The following REV3L variants were observed in gnomAD, a reference collection of about 807,000 sequenced individuals.
The protein encoded by REV3L is DNA polymerase zeta catalytic subunit.
REV3L carries 69 observed loss-of-function variants against 299.4 expected under a neutral mutation model. That is an observed-to-expected ratio of 0.23 (90% CI 0.19 to 0.28). REV3L has a LOEUF of 0.28. Among genes scored for constraint, REV3L ranks in the 10% least tolerant of loss-of-function variants. REV3L has a pLI of 1.00. For synonymous variants in REV3L, 1,238 were observed against 1,271.4 expected (o/e 0.97, Z 0.56); for missense variants, 3,128 against 3,693.8 (o/e 0.85, Z 3.97).
intron 25 of REV3L, among the ~76,000 whole-genome samples, chr6:111,325,028 A>AT (rs1230852262): frequency 1.3e-5 from 2 of 152,162 alleles, no homozygotes; most frequent in South Asian, 2.1e-4. Flanking sequence ...CGCCCGGCTA[A>AT]TTTTTTGTAT....
At chr6:111,361,502 G>A (rs1364935450) in intron 16 of REV3L, 1 of 151,326 alleles carries the variant, frequency 6.6e-6, no homozygotes, top group Non-Finnish European at 1.5e-5. Context: ...AGGTTAAAAG[G>A]GTCTTAGAGG....
chr6:111,415,446 T>A (rs1358692680), intron 2 of REV3L, among the ~76,000 whole-genome samples: 1 of 152,188 alleles, frequency 6.6e-6, no homozygotes, highest in Non-Finnish European at 1.5e-5. Flanking sequence ...AGACTGGAAT[T>A]GAGTGTATAG....
At chr6:111,468,846 C>G (rs561469154) in intron 1 of REV3L, among the ~76,000 whole-genome samples, 15 of 152,214 alleles carry the variant, frequency 9.9e-5, no homozygotes, top group South Asian at 2.1e-4. Flanking sequence ...ATGAAGCAGA[C>G]AGGTAGGCCA....
chr6:111,303,138 G>T, intron 31 of REV3L, among the ~76,000 whole-genome samples: 1 of 140,996 alleles, frequency 7.1e-6, no homozygotes, highest in East Asian at 2.1e-4. Context: ...TCTACTTTTT[G>T]AAATGTACTG....
intron 1 of REV3L, among the ~76,000 whole-genome samples, chr6:111,446,039 A>G (rs1788791625): frequency 6.6e-6 from 1 of 152,196 alleles, no homozygotes; most frequent in Admixed American, 6.5e-5. Flanking sequence ...CAAAAAGTTC[A>G]TTTTCAGCTG....
intron 2 of REV3L, among the ~76,000 whole-genome samples, chr6:111,415,595 T>C (rs1784674734): frequency 6.6e-6 from 1 of 152,168 alleles, no homozygotes; most frequent in South Asian, 2.1e-4. Context: ...TGAGAATCAT[T>C]GGTCCTCACA....
At chr6:111,439,508 T>C (rs1391258324) in intron 1 of REV3L, among the ~76,000 whole-genome samples, 1 of 152,232 alleles carries the variant, frequency 6.6e-6, no homozygotes, top group African/African-American at 2.4e-5. Flanking sequence ...TAGAGCATTC[T>C]ACAGTCATTC....
At chr6:111,448,787 T>A (rs1158684572) in intron 1 of REV3L, among the ~76,000 whole-genome samples, 2 of 34,448 alleles carry the variant, frequency 5.8e-5, no homozygotes, top group African/African-American at 8.1e-5. Context: ...CACTTGGCTA[T>A]TTTTTTTTTT....
At chr6:111,390,829 A>G (rs766886519) in intron 5 of REV3L, among the ~76,000 whole-genome samples, 64 of 152,266 alleles carry the variant, frequency 4.2e-4, no homozygotes, top group Admixed American at 1.3e-4. Context: ...TGGATCTTTG[A>G]CTCAAAAGCA....
chr6:111,465,460 G>A (rs1791338956), intron 1 of REV3L, among the ~76,000 whole-genome samples: 4 of 151,714 alleles, frequency 2.6e-5, no homozygotes, highest in South Asian at 2.1e-4. Context: ...TTGGCTGAGC[G>A]CAGTGGCTCA....
In REV3L at chr6:111,333,291, C is replaced by A. The variant is rs1360936908; in HGVS notation, c.7757G>T (p.Arg2586Ile). 9 of 1,614,114 alleles carry A rather than the reference C, an allele frequency of 5.6e-6. No individual in the cohort carries two copies. Among genetic ancestry groups the A allele is most frequent in the Non-Finnish European group, 7.6e-6 (9 of 1,180,016 alleles). Residue 2586 changes from arginine to isoleucine, a missense_variant, in exon 23 of 32, where the codon AGA becomes ATA. Coordinates refer to ENST00000368802, the MANE Select transcript of REV3L (RefSeq NM_001372078.1). ...ACACTGTGGGGCTCTCATCTGGGAT[C>A]TTTGCTGAACACTAGGTGTCACAGG... Reference protein sequence around the residue: ...YIPVTPSVQQRSQMRAPQCVP... With the variant: ...YIPVTPSVQQISQMRAPQCVP...
chr6:111,379,870 C>A (rs1406806578), intron 11 of REV3L, 112 bp downstream of exon 11: 5 of 729,242 alleles, frequency 6.9e-6, no homozygotes, highest in Non-Finnish European at 1.2e-5. Context: ...TTTAAAACAT[C>A]AATTTAGTTC....
chr6:111,393,119 G>A, intron 4 of REV3L, 147 bp from the exon 5 acceptor site: 1 of 547,174 alleles, frequency 1.8e-6, no homozygotes, highest in Non-Finnish European at 3.3e-6. Context: ...CTCACTGCAA[G>A]CTCCACCTCC....
intron 4 of REV3L, among the ~76,000 whole-genome samples, chr6:111,396,220 T>A (rs1247051289): frequency 6.6e-6 from 1 of 151,968 alleles, no homozygotes; most frequent in Non-Finnish European, 1.5e-5. Flanking sequence ...AGAGACAGGG[T>A]TTCACCATGT....
intron 22 of REV3L, among the ~76,000 whole-genome samples, chr6:111,333,841 T>C (rs1011122466): frequency 6.6e-6 from 1 of 152,248 alleles, no homozygotes; most frequent in African/African-American, 2.4e-5. Context: ...CTTTTCCTAT[T>C]CCTACGACTT....
At chr6:111,382,867 AG>A (rs754945125) in intron 9 of REV3L, among the ~76,000 whole-genome samples, 4 of 152,026 alleles carry the variant, frequency 2.6e-5, no homozygotes, top group South Asian at 2.1e-4. Context: ...AGGACAGGAG[AG>A]GAAGGAGTGA....
At chr6:111,420,383 TA>T (rs919953849) in intron 1 of REV3L, among the ~76,000 whole-genome samples, 30 of 152,326 alleles carry the variant, frequency 2.0e-4, no homozygotes, top group African/African-American at 6.7e-4. Flanking sequence ...ATTTAAAATC[TA>T]ATCTCTTAGC....
In REV3L at chr6:111,430,707, AAAAG is replaced by A. The variant is rs548590287; in HGVS notation, c.140-14239_140-14236del. ...TTCAAGAGTCCCAGCAAAGAAAATA[AAAAG>A]AAAGACAAAGACATGCTTGAAGATA... On this transcript the variant is annotated intron_variant, in intron 1 of 31. Coordinates refer to ENST00000368802, the MANE Select transcript of REV3L (RefSeq NM_001372078.1). 348 of 1,546,268 alleles carry A rather than the reference AAAAG, an allele frequency of 2.3e-4. 2 individuals are homozygous for A. In the East Asian group the frequency reaches 4.2e-3, roughly 19 times the overall value.
At chr6:111,393,497 C>T (rs933254177) in intron 4 of REV3L, among the ~76,000 whole-genome samples, 4 of 152,086 alleles carry the variant, frequency 2.6e-5, no homozygotes, top group African/African-American at 4.8e-5. Flanking sequence ...CCATTTGTGT[C>T]GAGAACATTT....
Sources: allele counts gnomAD v4.1 joint callset (sites outside exome capture counted in the v4.1 genomes callset), GRCh38; gene constraint gnomAD v4.1.1; transcripts MANE v1.5; gene names NCBI Gene and HGNC (gene_info 2026-07-23, HGNC 2026-07-21).